Variants in SORCS3 observed in about 807,000 individuals in gnomAD.
SORCS3 encodes VPS10 domain-containing receptor SorCS3.
A neutral mutation model predicts 146.3 loss-of-function variants in SORCS3; 57 were observed. That is an observed-to-expected ratio of 0.39 (90% CI 0.31 to 0.49). The LOEUF (loss-of-function observed/expected upper bound fraction) is 0.49, where lower values mean the gene tolerates loss of function less well. Among genes scored for constraint, SORCS3 ranks in the 20% least tolerant of loss-of-function variants. SORCS3 has a pLI of 0.92. For synonymous variants in SORCS3, 653 were observed against 618.5 expected (o/e 1.06, Z -0.83); for missense variants, 1,341 against 1,575.5 (o/e 0.85, Z 2.52).
chr10:104,754,507 C>T (rs2017024346), intron 1 of SORCS3, among the ~76,000 whole-genome samples: 2 of 151,994 alleles, frequency 1.3e-5, no homozygotes, highest in South Asian at 4.2e-4. Context: ...GACACAAAGT[C>T]CAGAATAGGG....
In SORCS3 at chr10:105,016,134, A is replaced by AATATAT. The variant is rs1355412638; in HGVS notation, c.955-26904_955-26899dup. Among the ~76,000 whole-genome samples the AATATAT allele has an allele frequency of 6.9e-3, 786 of 113,616 alleles. 17 individuals carry two copies. The highest frequency in any genetic ancestry group is 9.2e-3 in the Non-Finnish European group (543 of 58,716). 74.5% of individuals were successfully genotyped at this position (113,616 alleles called of 152,430 possible). On this transcript the variant is annotated intron_variant, in intron 4 of 26. Coordinates refer to ENST00000369701, the MANE Select transcript of SORCS3 (RefSeq NM_014978.3). ...TATTACATATTAGAAATATTATATA[A>AATATAT]ATATATATATATATATATATATTTT...
chr10:104,977,293 C>T lies in SORCS3; in HGVS notation c.796-42C>T, dbSNP rs767421820. The T allele has an allele frequency of 6.1e-5, 90 of 1,470,378 alleles. No homozygotes were observed. In the South Asian group the frequency reaches 8.1e-4, roughly 13 times the overall value. 91.1% of individuals were successfully genotyped at this position (1,470,378 alleles called of 1,614,324 possible). A position where few individuals can be genotyped will look rare whatever the true frequency, so the allele number is the denominator to read the frequency against. On this transcript the variant is annotated intron_variant, in intron 3 of 26. Coordinates refer to ENST00000369701, the MANE Select transcript of SORCS3 (RefSeq NM_014978.3). ...TTAAAGTTATTATATTTATTATTTC[C>T]TACTAACTCTGTCTGTATATGTCCC...
intron 1 of SORCS3, among the ~76,000 whole-genome samples, chr10:104,645,201 G>A (rs1428965596): frequency 6.6e-6 from 1 of 152,120 alleles, no homozygotes; most frequent in African/African-American, 2.4e-5. Context: ...CTGGAGGAGC[G>A]ATTTGCTATT....
At chr10:105,088,586 A>T (rs146782604) in intron 5 of SORCS3, among the ~76,000 whole-genome samples, 1 of 152,258 alleles carries the variant, frequency 6.6e-6, no homozygotes, top group African/African-American at 2.4e-5. Flanking sequence ...TTGCAGCCTT[A>T]ATTTCTTAAA....
chr10:105,105,491 C>T lies in SORCS3; in HGVS notation c.1188C>T (p.Val396=), dbSNP rs775837499. ...ARSIDISSLV[V]QDEYIFIQVT... is the part of the protein sequence containing the mutation. ...CCATTGACATCAGTTCCCTGGTTGT[C>T]CAGGATGAATATATCTTCATTCAGG... is the stretch of plus-strand genomic sequence containing the variant. Residue 396 remains valine, a synonymous_variant, in exon 7 of 27, where the codon GTC becomes GTT. Coordinates refer to ENST00000369701, the MANE Select transcript of SORCS3 (RefSeq NM_014978.3). 1.9e-6 allele frequency: 3 copies of T among 1,612,364 alleles called. No homozygotes were observed. The East Asian group carries it at 6.7e-5, about 36-fold the overall frequency.
At chr10:104,738,776 A>T (rs1292382853) in intron 1 of SORCS3, among the ~76,000 whole-genome samples, 1 of 152,202 alleles carries the variant, frequency 6.6e-6, no homozygotes, top group Non-Finnish European at 1.5e-5. Flanking sequence ...AACTGATAGC[A>T]ACTTAATATT....
intron 11 of SORCS3, among the ~76,000 whole-genome samples, chr10:105,161,193 A>C (rs983047859): frequency 6.6e-6 from 1 of 151,954 alleles, no homozygotes; most frequent in African/African-American, 2.4e-5. Flanking sequence ...GATCTTTGGG[A>C]GGGATATAAC....
At chr10:105,059,580 G>T (rs942226586) in intron 5 of SORCS3, among the ~76,000 whole-genome samples, 4 of 152,146 alleles carry the variant, frequency 2.6e-5, no homozygotes, top group Non-Finnish European at 5.9e-5. Flanking sequence ...GTAGGTAGGG[G>T]TTGTTCCAAT....
At chr10:104,700,055 G>A (rs561800420) in intron 1 of SORCS3, among the ~76,000 whole-genome samples, 2 of 152,298 alleles carry the variant, frequency 1.3e-5, no homozygotes, top group East Asian at 1.9e-4. Context: ...ATTGCCTAAG[G>A]TTGGGCTTCA....
intron 4 of SORCS3, among the ~76,000 whole-genome samples, chr10:104,987,802 G>A (rs535590705): frequency 5.3e-5 from 8 of 152,124 alleles, no homozygotes; most frequent in Middle Eastern, 3.4e-3. Flanking sequence ...TGAATTTTCC[G>A]GCTCCATCCC....
At chr10:105,078,937 T>C (rs2055606222) in intron 5 of SORCS3, among the ~76,000 whole-genome samples, 1 of 149,166 alleles carries the variant, frequency 6.7e-6, no homozygotes, top group South Asian at 2.2e-4. Flanking sequence ...GAGCACCTGT[T>C]ACAGTCTGAG....
intron 3 of SORCS3, among the ~76,000 whole-genome samples, chr10:104,932,608 G>A (rs1487525761): frequency 6.6e-6 from 1 of 152,212 alleles, no homozygotes; most frequent in Non-Finnish European, 1.5e-5. Context: ...TCTACGTTGT[G>A]TGATTCTCAG....
intron 1 of SORCS3, among the ~76,000 whole-genome samples, chr10:104,741,844 T>C (rs1589481082): frequency 6.6e-6 from 1 of 151,784 alleles, no homozygotes; most frequent in Non-Finnish European, 1.5e-5. Context: ...TATTTTTTCA[T>C]GTGTTTCAAG....
chr10:105,019,764 T>C (rs1257342169), intron 4 of SORCS3, among the ~76,000 whole-genome samples: 5 of 152,208 alleles, frequency 3.3e-5, no homozygotes, highest in African/African-American at 7.2e-5. Flanking sequence ...ATTTGTCTTA[T>C]CATCATTGTG....
At chr10:105,199,335 G>A (rs2056561467) in intron 14 of SORCS3, among the ~76,000 whole-genome samples, 1 of 152,042 alleles carries the variant, frequency 6.6e-6, no homozygotes, top group Non-Finnish European at 1.5e-5. Flanking sequence ...GTCACAGATG[G>A]TGTGCTTCTT....
intron 7 of SORCS3, among the ~76,000 whole-genome samples, chr10:105,138,723 G>T (rs2056075109): frequency 6.6e-6 from 1 of 152,180 alleles, no homozygotes; most frequent in South Asian, 2.1e-4. Context: ...TTTCACAAGT[G>T]AGGTTACAGG....
In SORCS3 at chr10:105,252,926, G is replaced by A. The variant is rs754236321; in HGVS notation, c.3237+20G>A. 1.9e-6 allele frequency: 3 copies of A among 1,612,978 alleles called. No homozygotes were observed. The highest frequency in any genetic ancestry group is 2.7e-5 in the African/African-American group (2 of 74,986). Reference sequence around the variant, plus strand: ...GAACAAGTAAGTGAAAGTAAATCTGGCTGGGACCCTTGCCTGCACCCTACA... The same window carrying A: ...GAACAAGTAAGTGAAAGTAAATCTGACTGGGACCCTTGCCTGCACCCTACA... On this transcript the variant is annotated intron_variant, in intron 23 of 26. Coordinates refer to ENST00000369701, the MANE Select transcript of SORCS3 (RefSeq NM_014978.3).
At chr10:104,974,089 A>G (rs1260965698) in intron 3 of SORCS3, among the ~76,000 whole-genome samples, 3 of 152,038 alleles carry the variant, frequency 2.0e-5, no homozygotes, top group Middle Eastern at 3.4e-3. Flanking sequence ...GTTCTTTTAC[A>G]TTTGCCGAGG....
In SORCS3 at chr10:105,159,002, A is replaced by C. The variant is rs756031793; in HGVS notation, c.1732+8A>C. 1.3e-6 allele frequency: 2 copies of C among 1,580,722 alleles called. No individual in the cohort carries two copies. The highest frequency in any genetic ancestry group is 1.7e-6 in the Non-Finnish European group (2 of 1,151,404). On this transcript the variant is annotated splice_region_variant and intron_variant, in intron 11 of 26. Coordinates refer to ENST00000369701, the MANE Select transcript of SORCS3 (RefSeq NM_014978.3). ...GACTTGTGGTGGCTACAGGTAAGAAAAACATTCCCTGTGCTTCTTCCTTAC... is the reference window on the plus strand; with the variant it reads ...GACTTGTGGTGGCTACAGGTAAGAACAACATTCCCTGTGCTTCTTCCTTAC...
Sources: allele counts gnomAD v4.1 joint callset (sites outside exome capture counted in the v4.1 genomes callset), GRCh38; gene constraint gnomAD v4.1.1; transcripts MANE v1.5; gene names NCBI Gene and HGNC (gene_info 2026-07-23, HGNC 2026-07-21).